DNM3: variants seen among roughly 807,000 people sequenced by gnomAD.
DNM3 encodes dynamin-3.
A neutral mutation model predicts 101.6 loss-of-function variants in DNM3; 47 were observed. The observed-to-expected ratio is 0.46, with a 90% confidence interval of 0.37 to 0.59. The LOEUF (loss-of-function observed/expected upper bound fraction) is 0.59. Ranked by LOEUF, DNM3 falls within the 20% of genes least tolerant of loss-of-function variation. The probability of loss-of-function intolerance (pLI) is 0.00; values close to 1 mark genes in which losing one functional copy is unlikely to be tolerated. For missense variants in DNM3, 849 were observed against 1,085.7 expected (o/e 0.78, Z 3.06); for synonymous variants, 385 against 387.9 (o/e 0.99, Z 0.09).
chr1:172,244,987 C>T (rs2061896501), intron 14 of DNM3, among the ~76,000 whole-genome samples: 2 of 152,194 alleles, frequency 1.3e-5, no homozygotes, highest in Admixed American at 6.5e-5. Context: ...CATAGCCTCT[C>T]ATTATTCTTT....
intron 14 of DNM3, among the ~76,000 whole-genome samples, chr1:172,233,801 C>T (rs1324216570): frequency 6.6e-6 from 1 of 152,194 alleles, no homozygotes; most frequent in African/African-American, 2.4e-5. Context: ...ACATGATTAT[C>T]TCAATAGATG....
At chr1:171,892,607 C>T (rs543279799) in intron 1 of DNM3, among the ~76,000 whole-genome samples, 31 of 152,322 alleles carry the variant, frequency 2.0e-4, no homozygotes, top group African/African-American at 6.7e-4. Context: ...GGTTGCCATC[C>T]ATCCACTTAA....
rs1236989532 is a variant in DNM3, at chr1:172,063,671, C to G, written c.1336-5148C>G. Among the ~76,000 whole-genome samples the G allele has an allele frequency of 2.0e-5, 3 of 150,602 alleles. No homozygotes were observed. The Admixed American group carries it at 2.0e-4, about 10-fold the overall frequency. ...GTGGGCGCCTATAGTTCCAACTACTCAGGAGGCTGAGACAGGAGCATTGCT... is the reference window on the plus strand; with the variant it reads ...GTGGGCGCCTATAGTTCCAACTACTGAGGAGGCTGAGACAGGAGCATTGCT... On this transcript the variant is annotated intron_variant, in intron 10 of 20. Coordinates refer to ENST00000627582, the MANE Select transcript of DNM3 (RefSeq NM_015569.5).
At chr1:171,950,017 A>G (rs967334535) in intron 2 of DNM3, among the ~76,000 whole-genome samples, 40 of 152,232 alleles carry the variant, frequency 2.6e-4, no homozygotes, top group Admixed American at 7.9e-4. Context: ...ATGATCATCA[A>G]CAAGCGAATG....
chr1:171,881,785 C>T (rs1323803600), intron 1 of DNM3, among the ~76,000 whole-genome samples: 1 of 152,138 alleles, frequency 6.6e-6, no homozygotes, highest in Admixed American at 6.5e-5. Context: ...CCAGATTCAG[C>T]AAAGATGTCT....
intron 13 of DNM3, among the ~76,000 whole-genome samples, chr1:172,118,857 G>T (rs1391226129): frequency 6.6e-6 from 1 of 152,094 alleles, no homozygotes; most frequent in Non-Finnish European, 1.5e-5. Flanking sequence ...TCCTCTCTGA[G>T]TCCCTCAATC....
At chr1:172,214,421 G>A (rs1474204177) in intron 14 of DNM3, among the ~76,000 whole-genome samples, 2 of 151,698 alleles carry the variant, frequency 1.3e-5, no homozygotes, top group Admixed American at 6.6e-5. Context: ...TTGTGCACAT[G>A]TACCCTAGAA....
intron 17 of DNM3, among the ~76,000 whole-genome samples, chr1:172,371,540 T>C (rs1279810238): frequency 1.3e-5 from 2 of 152,030 alleles, no homozygotes; most frequent in African/African-American, 4.8e-5. Flanking sequence ...GACACTGTGG[T>C]AAGTGCCTTT....
intron 2 of DNM3, among the ~76,000 whole-genome samples, chr1:171,930,053 G>T (rs985784437): frequency 1.3e-5 from 2 of 152,048 alleles, no homozygotes; most frequent in Admixed American, 6.5e-5. Context: ...TGGTTGAAAG[G>T]TTCCACCTGG....
At chr1:171,996,129 C>T (rs950834255) in intron 4 of DNM3, among the ~76,000 whole-genome samples, 1 of 152,008 alleles carries the variant, frequency 6.6e-6, no homozygotes, top group African/African-American at 2.4e-5. Context: ...ATTATTCTTT[C>T]AGTATATGTA....
intron 4 of DNM3, among the ~76,000 whole-genome samples, chr1:172,030,712 AC>A (rs2048540671): frequency 6.6e-6 from 1 of 152,166 alleles, no homozygotes; most frequent in South Asian, 2.1e-4. Flanking sequence ...AAGAAAAAAA[AC>A]AAACAACCCC....
chr1:172,237,345 A>G (rs1027034597), intron 14 of DNM3, among the ~76,000 whole-genome samples: 1 of 152,062 alleles, frequency 6.6e-6, no homozygotes, highest in African/African-American at 2.4e-5. Context: ...CAGGAAAACA[A>G]TCTCCCCAAG....
At chr1:172,091,809 C>A (rs1216559479) in intron 12 of DNM3, among the ~76,000 whole-genome samples, 1 of 152,108 alleles carries the variant, frequency 6.6e-6, no homozygotes, top group African/African-American at 2.4e-5. Flanking sequence ...TAAGAATAGA[C>A]TTCAGGGAGA....
chr1:172,342,209 A>T (rs895960468), intron 17 of DNM3, among the ~76,000 whole-genome samples: 2 of 152,210 alleles, frequency 1.3e-5, no homozygotes, highest in African/African-American at 4.8e-5. Flanking sequence ...GCGTTTCCTC[A>T]AAGAATAAAA....
intron 4 of DNM3, among the ~76,000 whole-genome samples, chr1:172,003,064 G>A (rs1398182956): frequency 6.6e-6 from 1 of 151,918 alleles, no homozygotes; most frequent in African/African-American, 2.4e-5. Flanking sequence ...AAAGTAAGAA[G>A]ATAATAAATA....
Position 172,304,280 on chromosome 1 carries a change from G to A in DNM3, c.1770-4448G>A, listed in dbSNP as rs553765480. On this transcript the variant is annotated intron_variant, in intron 15 of 20. Transcript: ENST00000627582. ...GACTTTAAACCAACAAAGATCAAAA[G>A]AGACAAAGAAGGCCATTACATAATG... Among the ~76,000 whole-genome samples, 951 of 137,496 alleles carry A rather than the reference G, an allele frequency of 6.9e-3. 8 individuals carry two copies. Among genetic ancestry groups the A allele is most frequent in the African/African-American group, 0.026 (898 of 34,244 alleles). The allele number at this position is 137,496 out of a possible 152,430, so 90.2% of individuals were successfully genotyped here.
intron 15 of DNM3, among the ~76,000 whole-genome samples, chr1:172,306,036 A>G (rs2064793365): frequency 6.6e-6 from 1 of 152,228 alleles, no homozygotes; most frequent in Non-Finnish European, 1.5e-5. Context: ...GGCCAGGGCA[A>G]TCAGGCAAGA....
At chr1:172,270,650 C>A (rs180779803) in intron 15 of DNM3, among the ~76,000 whole-genome samples, 1 of 152,192 alleles carries the variant, frequency 6.6e-6, no homozygotes, top group African/African-American at 2.4e-5. Flanking sequence ...CAAAGGGAAC[C>A]GACATGGTAC....
intron 10 of DNM3, among the ~76,000 whole-genome samples, chr1:172,054,964 C>A (rs1350228277): frequency 1.5e-5 from 2 of 137,760 alleles, no homozygotes; most frequent in Non-Finnish European, 3.2e-5. Flanking sequence ...CATTTCCCCC[C>A]CGCCCCCCCA....
Sources: allele counts gnomAD v4.1 joint callset (sites outside exome capture counted in the v4.1 genomes callset), GRCh38; gene constraint gnomAD v4.1.1; transcripts MANE v1.5; gene names NCBI Gene and HGNC (gene_info 2026-07-23, HGNC 2026-07-21).